PCM1: variants seen among roughly 807,000 people sequenced by gnomAD.
The protein encoded by PCM1 is pericentriolar material 1 protein.
A neutral mutation model predicts 241.9 loss-of-function variants in PCM1; 157 were observed. The observed-to-expected ratio is 0.65, with a 90% confidence interval of 0.57 to 0.74. The LOEUF is 0.74. PCM1 is among the 30% of genes least tolerant of loss of function. The pLI, the probability that PCM1 is intolerant of heterozygous loss-of-function variation, is 0.00. For missense variants in PCM1, 3,478 were observed against 2,360.1 expected (o/e 1.47, Z -9.81); for synonymous variants, 1,085 against 784.9 (o/e 1.38, Z -6.39).
intron 29 of PCM1, among the ~76,000 whole-genome samples, chr8:17,997,903 G>T (rs967188401): frequency 6.6e-6 from 1 of 151,562 alleles, no homozygotes; most frequent in African/African-American, 2.4e-5. Context: ...GGACATGGTG[G>T]TGCGCACCTA....
rs765666084 is a variant in PCM1 at position 17,972,552 on chromosome 8, C to G, written c.3808C>G (p.Pro1270Ala). 1.2e-6 allele frequency: 2 copies of G among 1,613,744 alleles called. No individual in the cohort carries two copies. The highest frequency in any genetic ancestry group is 4.5e-5 in the East Asian group (2 of 44,858). The change falls in exon 23 of 39, where the codon CCA (proline) becomes GCA (alanine). Residue 1270 changes from proline (P) to alanine (A), a missense_variant. Coordinates refer to ENST00000325083, the MANE Select transcript of PCM1 (RefSeq NM_006197.4). The stretch of plus-strand genomic sequence containing the variant: ...TAGCAGTATGCCTGATCCAGTAGAT[C>G]CAACAACAGTGACTAAAACATTCAA... ...SFSSMPDPVD[P>A]TTVTKTFKTR...
At chr8:18,013,095 T>TATC (rs1193866703) in intron 34 of PCM1, among the ~76,000 whole-genome samples, 3 of 152,176 alleles carry the variant, frequency 2.0e-5, no homozygotes, top group Admixed American at 6.5e-5. Context: ...TAAATGTTAG[T>TATC]ATCTATTGGT....
chr8:17,959,890 C>A, intron 13 of PCM1, 124 bp from the exon 14 acceptor site: 1 of 836,662 alleles, frequency 1.2e-6, no homozygotes. Context: ...TGTATACAAA[C>A]GTGCTTTCTT....
intron 21 of PCM1, among the ~76,000 whole-genome samples, chr8:17,968,760 GTGTATATATA>G (rs2075854083): frequency 2.3e-5 from 3 of 128,008 alleles, no homozygotes; most frequent in Non-Finnish European, 3.4e-5. Context: ...GTGTGTGTGT[GTGTATATATA>G]TATATATACA....
intron 2 of PCM1, among the ~76,000 whole-genome samples, chr8:17,933,354 T>C (rs144938259): frequency 5.6e-4 from 85 of 152,352 alleles, no homozygotes; most frequent in African/African-American, 1.9e-3. Context: ...TCTAACCTCC[T>C]GACCTCTGTT....
chr8:18,021,477 A>C (rs906198685), intron 36 of PCM1, among the ~76,000 whole-genome samples: 6 of 152,206 alleles, frequency 3.9e-5, no homozygotes, highest in African/African-American at 1.4e-4. Flanking sequence ...TTTGCAAGAT[A>C]GATTGGGACT....
rs780778457 is a variant in PCM1 at position 17,966,089 on chromosome 8, A to C, written c.2946A>C (p.Glu982Asp). The change falls in exon 19 of 39, where the codon GAA becomes GAC. Residue 982 changes from glutamate (E) to aspartate (D), a missense_variant. Coordinates refer to ENST00000325083, the MANE Select transcript of PCM1 (RefSeq NM_006197.4). ...AGAATATCAGCATGCAACGGCAAGA[A>C]AACCTTCGTTGGGTGTCAGAGCTCT... ...RQQNISMQRQ[E>D]NLRWVSELSY... The C allele has an allele frequency of 6.2e-7, 1 of 1,613,858 alleles. No individual in the cohort carries two copies. The highest frequency in any genetic ancestry group is 1.6e-4 in the Middle Eastern group (1 of 6,084).
chr8:17,955,740 CGAGATTTAT>C (rs1563889166), intron 10 of PCM1, 87 bp downstream of exon 10: 5 of 996,506 alleles, frequency 5.0e-6, no homozygotes, highest in Non-Finnish European at 7.7e-6. Context: ...TTCTGCAAAA[CGAGATTTAT>C]TTAATATTGT....
intron 13 of PCM1, among the ~76,000 whole-genome samples, chr8:17,958,693 C>T (rs1229792501): frequency 6.6e-6 from 1 of 150,970 alleles, no homozygotes; most frequent in Non-Finnish European, 1.5e-5. Context: ...GGTGAGCGTG[C>T]TCTCTCGGTT....
Position 17,985,987 on chromosome 8 carries a change from G to A in PCM1, c.4310G>A (p.Ser1437Asn). The change falls in exon 26 of 39, where the codon AGC becomes AAC. Residue 1437 changes from serine to asparagine, a missense_variant. By Grantham distance (46) the Ser-to-Asn change is conservative (BLOSUM62 1). Coordinates refer to ENST00000325083, the MANE Select transcript of PCM1 (RefSeq NM_006197.4). ...ATAGTATCCAGACATATTTCTGAGA[G>A]CCATGAAAAAGGAGAAAATGTAAAG... is the stretch of plus-strand genomic sequence containing the variant. Reference protein sequence around the residue: ...QDIVSRHISESHEKGENVKSV... With the variant: ...QDIVSRHISENHEKGENVKSV... 1 of 1,577,830 alleles carries A rather than the reference G, an allele frequency of 6.3e-7. No individual in the cohort carries two copies. The highest frequency in any genetic ancestry group is 1.1e-5 in the South Asian group (1 of 87,606).
In PCM1 at chr8:17,923,185, A is replaced by G. The variant is rs1563521738; in HGVS notation, c.-94A>G. The stretch of plus-strand genomic sequence containing the variant: ...TTTGACAGGAGAGGCTGCTTCTTGT[A>G]GAGGTAATGCCTGCGCGTCCCCAGC... On this transcript the variant is annotated 5_prime_UTR_variant, in exon 1 of 39. Coordinates refer to ENST00000325083, the MANE Select transcript of PCM1 (RefSeq NM_006197.4). 1 of 152,354 alleles carries G rather than the reference A, an allele frequency of 6.6e-6. No individual in the cohort carries two copies. Among genetic ancestry groups the G allele is most frequent in the African/African-American group, 2.4e-5 (1 of 41,440 alleles). The allele number at this position is 152,354 out of a possible 1,614,324, so 9.4% of individuals were successfully genotyped here. A position where few individuals can be genotyped will look rare whatever the true frequency, so the allele number is the denominator to read the frequency against.
intron 26 of PCM1, chr8:17,986,298 G>A (rs545909245): frequency 1.7e-5 from 6 of 352,484 alleles, no homozygotes; most frequent in Non-Finnish European, 2.0e-5. Flanking sequence ...ATGTATGTAT[G>A]ATAGATTATG....
At chr8:17,973,918 A>C (rs2129472714) in intron 23 of PCM1, among the ~76,000 whole-genome samples, 1 of 152,280 alleles carries the variant, frequency 6.6e-6, no homozygotes, top group South Asian at 2.1e-4. Flanking sequence ...ACTTTTGGAT[A>C]ATGAAACCTT....
chr8:17,955,453 TG>T lies in PCM1; in HGVS notation c.1289-16del, dbSNP rs1343546143. ...CTGGTGATTAAAAAAAATTTTTTGTTGTTGTGCCTTCTTCAGCCTCTCCACA... is the reference window on the plus strand; with the variant it reads ...CTGGTGATTAAAAAAAATTTTTTGTTTTGTGCCTTCTTCAGCCTCTCCACA... On this transcript the variant is annotated splice_polypyrimidine_tract_variant and intron_variant, in intron 9 of 38. Transcript: ENST00000325083. The T allele has an allele frequency of 6.5e-7, 1 of 1,539,174 alleles. No individual in the cohort carries two copies. Among genetic ancestry groups the T allele is most frequent in the East Asian group, 2.3e-5 (1 of 43,696 alleles).
At chr8:17,937,955 C>T (rs1342909399) in intron 4 of PCM1, among the ~76,000 whole-genome samples, 2 of 152,108 alleles carry the variant, frequency 1.3e-5, no homozygotes, top group Admixed American at 6.5e-5. Context: ...TTATTTATAT[C>T]TATTTATCAA....
Position 17,963,175 on chromosome 8 carries a change from G to T in PCM1, c.2538G>T (p.Leu846=), listed in dbSNP as rs778828065. 2 of 1,613,822 alleles carry T rather than the reference G, an allele frequency of 1.2e-6. No individual in the cohort carries two copies. Among genetic ancestry groups the T allele is most frequent in the South Asian group, 2.2e-5 (2 of 91,062 alleles). ...LRQRRKQLEA[L]MAEHQRRQGL... is the part of the protein sequence containing the mutation. ...AGAGAAGAAAGCAGCTTGAAGCTCT[G>T]ATGGCTGAACATCAGAGGAGGCAAG... Residue 846 remains leucine (L), a synonymous_variant, in exon 17 of 39, where the codon CTG becomes CTT. Coordinates refer to ENST00000325083, the MANE Select transcript of PCM1 (RefSeq NM_006197.4).
intron 10 of PCM1, 179 bp downstream of exon 10, chr8:17,955,832 G>A: frequency 1.7e-6 from 1 of 605,402 alleles, no homozygotes; most frequent in Admixed American, 2.8e-5. Flanking sequence ...TTGTCTAAGA[G>A]ATGTGATGTA....
chr8:17,978,776 C>T (rs189884642), intron 23 of PCM1, among the ~76,000 whole-genome samples: 8 of 152,230 alleles, frequency 5.3e-5, no homozygotes, highest in African/African-American at 1.9e-4. Context: ...ATCAGTCTCA[C>T]TAATATAAAT....
At chr8:17,975,431 G>A (rs866316584) in intron 23 of PCM1, among the ~76,000 whole-genome samples, 77 of 152,094 alleles carry the variant, frequency 5.1e-4, no homozygotes, top group African/African-American at 1.8e-3. Flanking sequence ...CGGAAGTGGT[G>A]GGATTACAGG....
Sources: gnomAD v4.1 joint callset for allele counts (sites outside exome capture counted in the v4.1 genomes callset) on GRCh38, gnomAD v4.1.1 for gene constraint, MANE v1.5 for transcripts, NCBI Gene and HGNC (gene_info 2026-07-23, HGNC 2026-07-21) for gene names.